Variants in EPB41 observed in about 807,000 individuals in gnomAD.
The protein encoded by EPB41 is erythrocyte membrane protein band 4.1.
A neutral mutation model predicts 108.0 loss-of-function variants in EPB41; 65 were observed. The ratio of observed to expected loss-of-function variants is 0.60; its 90% CI spans 0.49 to 0.74. The LOEUF is 0.74. Among genes scored for constraint, EPB41 ranks in the 30% least tolerant of loss-of-function variants. The pLI is 0.00. For synonymous variants in EPB41, 336 were observed against 358.9 expected (o/e 0.94, Z 0.72); for missense variants, 875 against 1,037.0 (o/e 0.84, Z 2.15).
chr1:28,966,478 A>G (rs1246230834), intron 1 of EPB41, among the ~76,000 whole-genome samples: 1 of 152,232 alleles, frequency 6.6e-6, no homozygotes, highest in Non-Finnish European at 1.5e-5. Context: ...TGAAACAATG[A>G]ACAAAACAAG....
At chr1:28,940,541 A>T (rs970043401) in intron 1 of EPB41, among the ~76,000 whole-genome samples, 1 of 151,760 alleles carries the variant, frequency 6.6e-6, no homozygotes, top group Admixed American at 6.6e-5. Flanking sequence ...AATCCTAGCT[A>T]CTCTGGAAGC....
Position 28,887,284 on chromosome 1 carries a change from C to G in EPB41, c.-8+74C>G, listed in dbSNP as rs1557595464. ...GGGTTAGGGACAGAAGAACCTACCC[C>G]CAAGGGCTCGGACCGTCCCGGGAGA... On this transcript the variant is annotated intron_variant, in intron 1 of 16. Coordinates refer to the EPB41 transcript ENST00000347529. This position sits in a 1 kb window ranked among gnomAD's most constrained non-coding sequence, Gnocchi z 4.9. 7 of 1,250,044 alleles carry G rather than the reference C, an allele frequency of 5.6e-6. No individual in the cohort carries two copies. Among genetic ancestry groups the G allele is most frequent in the East Asian group, 5.8e-5 (1 of 17,356 alleles). 77.4% of individuals were successfully genotyped at this position (1,250,044 alleles called of 1,614,324 possible). A position where few individuals can be genotyped will look rare whatever the true frequency, so the allele number is the denominator to read the frequency against.
chr1:29,096,290 C>T (rs1176041655), intron 16 of EPB41: 1 of 985,780 alleles, frequency 1.0e-6, no homozygotes, highest in Non-Finnish European at 1.2e-6. Context: ...GTCGGAGTCT[C>T]TGCAAAGCTT....
intron 15 of EPB41, among the ~76,000 whole-genome samples, chr1:29,060,736 T>A (rs1421849868): frequency 6.6e-6 from 1 of 152,226 alleles, no homozygotes; most frequent in Non-Finnish European, 1.5e-5. Flanking sequence ...CTACCTCTCA[T>A]GGTTCCATTG....
intron 6 of EPB41, among the ~76,000 whole-genome samples, 165 bp downstream of exon 6, chr1:29,015,932 C>T (rs992439827): frequency 3.9e-5 from 6 of 152,154 alleles, no homozygotes; most frequent in Non-Finnish European, 5.9e-5. Context: ...TCAAGGCAGG[C>T]ATACAAATAA....
chr1:28,915,731 C>CTTTTTTTTTTTTTTTTTTTTTTTTTGTT (rs11321625), intron 1 of EPB41, among the ~76,000 whole-genome samples: 1 of 56,074 alleles, frequency 1.8e-5, no homozygotes, highest in East Asian at 5.1e-4. Flanking sequence ...TTTTCAGATG[C>CTTTTTTTTTTTTTTTTTTTTTTTTTGTT]TTTTTTTTTT....
intron 1 of EPB41, among the ~76,000 whole-genome samples, chr1:28,896,199 T>A (rs577920902): frequency 6.6e-6 from 1 of 152,328 alleles, no homozygotes; most frequent in African/African-American, 2.4e-5. Flanking sequence ...GTGAGGCACA[T>A]GGTGAGCATT....
chr1:29,100,774 A>T (rs898296306), intron 17 of EPB41, among the ~76,000 whole-genome samples: 1 of 146,992 alleles, frequency 6.8e-6, no homozygotes, highest in Non-Finnish European at 1.5e-5. Flanking sequence ...AATATATATA[A>T]TATATATATT....
At chr1:29,006,316 A>C (rs1203196609) in intron 4 of EPB41, among the ~76,000 whole-genome samples, 1 of 148,468 alleles carries the variant, frequency 6.7e-6, no homozygotes, top group Non-Finnish European at 1.5e-5. Context: ...GGCTCACTGC[A>C]AGCTCCGCCT....
intron 8 of EPB41, 93 bp from the exon 9 acceptor site, chr1:29,033,000 T>G: frequency 8.2e-7 from 1 of 1,215,108 alleles, no homozygotes; most frequent in Non-Finnish European, 1.2e-6. Flanking sequence ...TTTGTAACTG[T>G]TTTTGGTTGT....
In EPB41 at chr1:29,065,044, G is replaced by T; in HGVS notation, c.2070G>T (p.Lys690Asn). The change falls in exon 16 of 21, where the codon AAG (lysine) becomes AAT (asparagine). Residue 690 changes from lysine (K) to asparagine (N), a missense_variant. Physicochemically the swap from Lys to Asn is moderately conservative, Grantham distance 94. Transcript: ENST00000343067. The part of the protein sequence containing the change: ...KHHASISELK[K>N]NFMESVPEPR... ...ATGCCAGCATCAGTGAGCTGAAAAAGAACTTCATGGAGTCTGTACCAGAAC... is the reference window on the plus strand; with the variant it reads ...ATGCCAGCATCAGTGAGCTGAAAAATAACTTCATGGAGTCTGTACCAGAAC... 1 of 1,614,150 alleles carries T rather than the reference G, an allele frequency of 6.2e-7. No individual in the cohort carries two copies. The highest frequency in any genetic ancestry group is 8.5e-7 in the Non-Finnish European group (1 of 1,180,020).
At chr1:28,957,988 A>AT (rs1035640319) in intron 1 of EPB41, among the ~76,000 whole-genome samples, 5 of 150,606 alleles carry the variant, frequency 3.3e-5, no homozygotes, top group African/African-American at 9.7e-5. Context: ...ATTTATTATT[A>AT]TTTTTTTTTA....
At chr1:29,100,938 A>AT (rs1665127286) in intron 17 of EPB41, among the ~76,000 whole-genome samples, 1 of 151,184 alleles carries the variant, frequency 6.6e-6, no homozygotes, top group Non-Finnish European at 1.5e-5. Context: ...CAAAAAAAAA[A>AT]AGAGGGCCGG....
intron 1 of EPB41, among the ~76,000 whole-genome samples, chr1:28,943,603 C>G (rs529165794): frequency 1.3e-5 from 2 of 151,908 alleles, no homozygotes; most frequent in South Asian, 2.1e-4. Flanking sequence ...GAGCTGATAT[C>G]GTGCCACTGC....
chr1:28,954,638 C>T (rs1294760132), intron 1 of EPB41, among the ~76,000 whole-genome samples: 1 of 152,174 alleles, frequency 6.6e-6, no homozygotes, highest in African/African-American at 2.4e-5. Context: ...TTCTACTTTA[C>T]ACTTCACAAG....
In EPB41 at chr1:29,013,821, G is replaced by A. The variant is rs545555948; in HGVS notation, c.830-1871G>A. Among the ~76,000 whole-genome samples the A allele has an allele frequency of 4.1e-4, 59 of 143,972 alleles. 1 individual carries two copies. In the South Asian group the frequency reaches 0.011, roughly 26 times the overall value. The allele number at this position is 143,972 out of a possible 152,430, so 94.5% of individuals were successfully genotyped here. On this transcript the variant is annotated intron_variant, in intron 5 of 20. Coordinates refer to ENST00000343067, the MANE Select transcript of EPB41 (RefSeq NM_001376013.1). ...TGGGATTACAGGCGTGAGCCACGGC[G>A]CCCAGCCCTTAAGTTTTTTTTTTTT...
chr1:29,005,727 T>C (rs1300693663), intron 4 of EPB41, among the ~76,000 whole-genome samples: 1 of 152,068 alleles, frequency 6.6e-6, no homozygotes, highest in African/African-American at 2.4e-5. Context: ...TCAGGAATCT[T>C]CCAGATGAAG....
chr1:28,994,760 G>A (rs1346714495), intron 3 of EPB41, among the ~76,000 whole-genome samples: 1 of 150,668 alleles, frequency 6.6e-6, no homozygotes, highest in Non-Finnish European at 1.5e-5. Flanking sequence ...CTGGGCTCAG[G>A]TGATCCTCCC....
At chr1:28,959,454 T>C (rs2095108999) in intron 1 of EPB41, among the ~76,000 whole-genome samples, 1 of 152,066 alleles carries the variant, frequency 6.6e-6, no homozygotes, top group Non-Finnish European at 1.5e-5. Flanking sequence ...TGACCTCAAG[T>C]AGTCCACCCG....
Sources: gnomAD v4.1 joint callset for allele counts (sites outside exome capture counted in the v4.1 genomes callset) on GRCh38, gnomAD v4.1.1 for gene constraint, Gnocchi (gnomAD v3.1) non-coding constraint, MANE v1.5 for transcripts, NCBI Gene and HGNC (gene_info 2026-07-23, HGNC 2026-07-21) for gene names.